Variants in SLC23A2 observed in about 807,000 individuals in gnomAD.
The protein encoded by SLC23A2 is Na(+)/L-ascorbic acid transporter 2.
Under a neutral mutation model 73.3 loss-of-function variants are expected in SLC23A2, and 36 were observed. The observed-to-expected ratio is 0.49, with a 90% CI of 0.38 to 0.65. The LOEUF is 0.65. Ranked by LOEUF, SLC23A2 falls within the 30% of genes least tolerant of loss-of-function variation. The probability of loss-of-function intolerance (pLI) is 0.00; values close to 1 mark genes in which losing one functional copy is unlikely to be tolerated. For missense variants in SLC23A2, 507 were observed against 841.6 expected, an observed-to-expected ratio of 0.60 and a Z score of 4.92; for synonymous variants, 343 against 327.3, an observed-to-expected ratio of 1.05 and a Z score of -0.52.
chr20:4,868,072 ATTT>A lies in SLC23A2; in HGVS notation c.1251-200_1251-198del, dbSNP rs574379772. ...CCTGCTGAAGCAGAAAAGAATCTGC[ATTT>A]TTTTTTTTTTTTTTTTTTTTTTTAG... On this transcript the variant is annotated intron_variant, in intron 12 of 16. Transcript: ENST00000338244. The surrounding 1 kb of genome is among the most constrained non-coding windows in gnomAD (Gnocchi z 4.4). Among the ~76,000 whole-genome samples, 1,073 of 94,400 alleles carry A rather than the reference ATTT, an allele frequency of 0.011. 12 individuals carry two copies. Among genetic ancestry groups the A allele is most frequent in the African/African-American group, 0.047 (976 of 20,592 alleles). 61.9% of individuals were successfully genotyped at this position (94,400 alleles called of 152,430 possible).
At chr20:4,889,967 G>C (rs886144028) in intron 6 of SLC23A2, among the ~76,000 whole-genome samples, 14 of 152,132 alleles carry the variant, frequency 9.2e-5, no homozygotes, top group Non-Finnish European at 1.6e-4. Context: ...GGGTTTTCAT[G>C]ATTCAACCAG....
At chr20:4,946,547 A>G (rs2087121755) in intron 2 of SLC23A2, among the ~76,000 whole-genome samples, 1 of 152,212 alleles carries the variant, frequency 6.6e-6, no homozygotes. Context: ...TGACAGAATG[A>G]AACAAGATGT....
At chr20:4,861,820 G>A (rs1361291504) in intron 15 of SLC23A2, 128 bp downstream of exon 15, 12 of 900,842 alleles carry the variant, frequency 1.3e-5, no homozygotes, top group Non-Finnish European at 2.1e-5. Flanking sequence ...ATTCAAGAGA[G>A]ATCCACAGAC....
chr20:4,932,676 C>A lies in SLC23A2; in HGVS notation c.-114G>T. The A allele has an allele frequency of 1.5e-6, 1 of 678,490 alleles. No homozygotes were observed. Among genetic ancestry groups the A allele is most frequent in the Admixed American group, 2.4e-5 (1 of 41,234 alleles). The allele number at this position is 678,490 out of a possible 1,614,324, so 42.0% of individuals were successfully genotyped here. On this transcript the variant is annotated 5_prime_UTR_variant, in exon 3 of 17. Coordinates refer to ENST00000338244, the MANE Select transcript of SLC23A2 (RefSeq NM_005116.6). ...CTTCTAGTGCCTGGAGCCCCCGATT[C>A]TCAAGCAGAGATGAGGCCTGCAAAC...
Position 4,855,156 on chromosome 20 carries a change from G to A in SLC23A2, c.*1816C>T, listed in dbSNP as rs1049281135. 1 of 152,596 alleles carries A rather than the reference G, an allele frequency of 6.6e-6. No homozygotes were observed. The highest frequency in any genetic ancestry group is 1.5e-5 in the Non-Finnish European group (1 of 68,024). 9.5% of individuals were successfully genotyped at this position (152,596 alleles called of 1,614,324 possible). A position where few individuals can be genotyped will look rare whatever the true frequency, so the allele number is the denominator to read the frequency against. ...TAAGTTTTTGGCAAAACAATGCAGTGGCTCCGAGGTGTTCTTGCCAGAATA... is the reference window on the plus strand; with the variant it reads ...TAAGTTTTTGGCAAAACAATGCAGTAGCTCCGAGGTGTTCTTGCCAGAATA... On this transcript the variant is annotated 3_prime_UTR_variant, in exon 17 of 17. Transcript: ENST00000338244.
At chr20:4,978,534 G>T (rs1006618786) in intron 1 of SLC23A2, among the ~76,000 whole-genome samples, 3 of 152,160 alleles carry the variant, frequency 2.0e-5, no homozygotes, top group African/African-American at 7.2e-5. Flanking sequence ...AATGAAGGGG[G>T]TGGAAAGAAT....
chr20:4,860,270 G>A (rs114725820), intron 15 of SLC23A2, among the ~76,000 whole-genome samples: 3,955 of 152,298 alleles, frequency 0.026, 182 homozygotes, highest in African/African-American at 0.09. Flanking sequence ...GGTATACAGA[G>A]CAGTGAAAAA....
chr20:4,985,540 C>T (rs536951951), intron 1 of SLC23A2, among the ~76,000 whole-genome samples: 1 of 151,736 alleles, frequency 6.6e-6, no homozygotes, highest in East Asian at 1.9e-4. Context: ...CTCCACCACT[C>T]GGGTTCAAGC....
Position 4,855,714 on chromosome 20 carries a change from G to A in SLC23A2, c.*1258C>T, listed in dbSNP as rs1475705338. 3 of 152,634 alleles carry A rather than the reference G, an allele frequency of 2.0e-5. No homozygotes were observed. The highest frequency in any genetic ancestry group is 4.8e-5 in the African/African-American group (2 of 41,444). 9.5% of individuals were successfully genotyped at this position (152,634 alleles called of 1,614,324 possible). On this transcript the variant is annotated 3_prime_UTR_variant, in exon 17 of 17. Transcript: ENST00000338244. ...CGGCGGACAGACCGTTCCACGTGGCGGCTCTGCGTGTTACCTGCCCCAGCT... is the reference window on the plus strand; with the variant it reads ...CGGCGGACAGACCGTTCCACGTGGCAGCTCTGCGTGTTACCTGCCCCAGCT...
chr20:4,914,592 T>C (rs1600128892), intron 3 of SLC23A2, among the ~76,000 whole-genome samples: 1 of 152,164 alleles, frequency 6.6e-6, no homozygotes, highest in East Asian at 1.9e-4. Flanking sequence ...TAGAAGCTTA[T>C]CCTCTAGAAA....
chr20:4,962,739 C>A (rs1352243511), intron 2 of SLC23A2, among the ~76,000 whole-genome samples: 1 of 146,444 alleles, frequency 6.8e-6, no homozygotes, highest in African/African-American at 2.6e-5. Flanking sequence ...TGGTTCACAC[C>A]TGTAATCCCA....
At chr20:4,901,656 A>G (rs1000495383) in intron 5 of SLC23A2, among the ~76,000 whole-genome samples, 17 of 152,142 alleles carry the variant, frequency 1.1e-4, no homozygotes, top group African/African-American at 4.1e-4. Flanking sequence ...GCTGCAGCAG[A>G]CAAAGCTGCT....
chr20:4,925,296 T>C (rs944262047), intron 3 of SLC23A2, among the ~76,000 whole-genome samples: 1 of 152,154 alleles, frequency 6.6e-6, no homozygotes, highest in Non-Finnish European at 1.5e-5. Context: ...AAGGACAAAT[T>C]AATGAATGGC....
chr20:4,884,212 T>C (rs1931006574), intron 8 of SLC23A2, among the ~76,000 whole-genome samples: 1 of 152,212 alleles, frequency 6.6e-6, no homozygotes, highest in Non-Finnish European at 1.5e-5. Context: ...CAAGACAATG[T>C]TGTTGACAGA....
intron 2 of SLC23A2, among the ~76,000 whole-genome samples, chr20:4,955,034 C>T (rs1857311070): frequency 6.6e-6 from 1 of 151,932 alleles, no homozygotes; most frequent in African/African-American, 2.4e-5. Flanking sequence ...TCACTTCAGG[C>T]CAGTTCAAGA....
At position 4,902,389 on chromosome 20, in the gene SLC23A2, T is replaced by C. The variant is rs1053367373; in HGVS notation, c.324+53A>G. On this transcript the variant is annotated intron_variant, in intron 5 of 16. Transcript: ENST00000338244. This position sits in a 1 kb window ranked among gnomAD's most constrained non-coding sequence, Gnocchi z 4.0. ...GGAATTTTTAAACAATTCCAGATGG[T>C]AGACAATGCAAACACCTGCTGGTAG... The C allele has an allele frequency of 2.1e-6, 2 of 961,864 alleles. No individual in the cohort carries two copies. The highest frequency in any genetic ancestry group is 3.2e-6 in the Non-Finnish European group (2 of 621,358). The allele number at this position is 961,864 out of a possible 1,614,324, so 59.6% of individuals were successfully genotyped here. A position where few individuals can be genotyped will look rare whatever the true frequency, so the allele number is the denominator to read the frequency against.
chr20:4,958,637 AG>A (rs2087330414), intron 2 of SLC23A2, among the ~76,000 whole-genome samples: 1 of 151,968 alleles, frequency 6.6e-6, no homozygotes, highest in South Asian at 2.1e-4. Context: ...CATGATGCCA[AG>A]GTTGGTCTCA....
At chr20:4,870,521 G>A (rs1460889743) in intron 11 of SLC23A2, among the ~76,000 whole-genome samples, 1 of 151,916 alleles carries the variant, frequency 6.6e-6, no homozygotes, top group Non-Finnish European at 1.5e-5. Flanking sequence ...AGGTTGCAGT[G>A]AGCCAAGACT....
chr20:4,885,934 T>C (rs1931079370), intron 6 of SLC23A2, 25 bp from the exon 7 acceptor site: 6 of 1,536,440 alleles, frequency 3.9e-6, no homozygotes, highest in Non-Finnish European at 5.4e-6. Flanking sequence ...ACCAAAACCA[T>C]GATCACGGCA....
Sources: gnomAD v4.1 joint callset for allele counts (sites outside exome capture counted in the v4.1 genomes callset) on GRCh38, gnomAD v4.1.1 for gene constraint, Gnocchi (gnomAD v3.1) non-coding constraint, MANE v1.5 for transcripts, NCBI Gene and HGNC (gene_info 2026-07-23, HGNC 2026-07-21) for gene names.